MEGF11: variants seen among roughly 807,000 people sequenced by gnomAD.
MEGF11 encodes multiple epidermal growth factor-like domains protein 11.
A neutral mutation model predicts 146.6 loss-of-function variants in MEGF11; 126 were observed. The observed-to-expected ratio is 0.86, with a 90% CI of 0.74 to 1.00. The LOEUF (loss-of-function observed/expected upper bound fraction) is 1.00. MEGF11 is among the 50% of genes least tolerant of loss of function. MEGF11 has a pLI of 0.00. For missense variants in MEGF11, 1,509 were observed against 1,521.2 expected, an observed-to-expected ratio of 0.99 and a Z score of 0.13; for synonymous variants, 532 against 583.4, an observed-to-expected ratio of 0.91 and a Z score of 1.27.
At chr15:66,024,768 T>C (rs1420560313) in intron 5 of MEGF11, among the ~76,000 whole-genome samples, 3 of 152,054 alleles carry the variant, frequency 2.0e-5, no homozygotes, top group Non-Finnish European at 4.4e-5. Flanking sequence ...TAAAGGGCTT[T>C]GTGGGTGGTA....
At chr15:66,200,987 T>C (rs74703099) in intron 1 of MEGF11, among the ~76,000 whole-genome samples, 1,898 of 152,090 alleles carry the variant, frequency 0.012, 34 homozygotes, top group African/African-American at 0.043. Context: ...CAAGGCCAGA[T>C]GGCTGGGCTG....
intron 5 of MEGF11, among the ~76,000 whole-genome samples, chr15:66,000,534 GA>G (rs58277872): frequency 3.8e-4 from 55 of 145,734 alleles, no homozygotes; most frequent in African/African-American, 3.5e-4. Flanking sequence ...CTGTCTCTTT[GA>G]AAAAAAAAAA....
At chr15:66,003,338 G>C (rs867018475) in intron 5 of MEGF11, among the ~76,000 whole-genome samples, 26 of 152,160 alleles carry the variant, frequency 1.7e-4, no homozygotes, top group African/African-American at 4.8e-4. Context: ...CACAGTCCTA[G>C]ACATCCCCAT....
At chr15:66,179,842 C>T (rs1478598168) in intron 1 of MEGF11, among the ~76,000 whole-genome samples, 3 of 146,628 alleles carry the variant, frequency 2.0e-5, no homozygotes, top group South Asian at 2.3e-4. Flanking sequence ...CACACAGTGC[C>T]TAACACCCTC....
intron 1 of MEGF11, among the ~76,000 whole-genome samples, chr15:66,187,760 T>C (rs2090750051): frequency 1.3e-5 from 2 of 149,354 alleles, no homozygotes; most frequent in African/African-American, 5.1e-5. Flanking sequence ...TCCATTTCCA[T>C]GTACGATTCC....
At chr15:66,036,438 T>A (rs964955190) in intron 5 of MEGF11, among the ~76,000 whole-genome samples, 2 of 152,254 alleles carry the variant, frequency 1.3e-5, no homozygotes, top group African/African-American at 4.8e-5. Flanking sequence ...ATTCATTCAT[T>A]TTCACGGCCA....
rs141978613 is a variant in MEGF11 at position 66,241,418 on chromosome 15, A to T, written c.-9+12187T>A. Among the ~76,000 whole-genome samples the T allele has an allele frequency of 3.1e-3, 466 of 152,354 alleles. 1 individual carries two copies. Among genetic ancestry groups the T allele is most frequent in the African/African-American group, 0.01 (430 of 41,580 alleles). On this transcript the variant is annotated intron_variant, in intron 1 of 25. Coordinates refer to ENST00000395614, the MANE Select transcript of MEGF11 (RefSeq NM_001385028.1). The stretch of plus-strand genomic sequence containing the variant: ...CCTTCAAGAAGAGCAACTACATTTT[A>T]CCTTGAAAACTGCAGAACTGAAAGC...
At chr15:66,239,178 A>T (rs2092157923) in intron 1 of MEGF11, among the ~76,000 whole-genome samples, 1 of 152,148 alleles carries the variant, frequency 6.6e-6, no homozygotes, top group South Asian at 2.1e-4. Context: ...TAAGACCTCT[A>T]CAGCTGTCAT....
At chr15:65,988,545 G>A (rs1026057624) in intron 5 of MEGF11, among the ~76,000 whole-genome samples, 2 of 152,094 alleles carry the variant, frequency 1.3e-5, no homozygotes, top group South Asian at 4.1e-4. Context: ...CCACCTTTTG[G>A]TTATTGTCTA....
At chr15:66,007,462 G>C (rs774401102) in intron 5 of MEGF11, among the ~76,000 whole-genome samples, 1 of 152,096 alleles carries the variant, frequency 6.6e-6, no homozygotes, top group Non-Finnish European at 1.5e-5. Flanking sequence ...AAGAAATGAT[G>C]GCCCAGGCTG....
At chr15:66,119,558 G>A (rs2087913036) in intron 3 of MEGF11, among the ~76,000 whole-genome samples, 1 of 152,136 alleles carries the variant, frequency 6.6e-6, no homozygotes, top group Admixed American at 6.5e-5. Context: ...TAGGAGTCAG[G>A]CCCTGAGGGT....
rs73479380 is a variant in MEGF11 at position 65,915,018 on chromosome 15, G to A, written c.2473+452C>T. 3.2e-3 allele frequency among the ~76,000 whole-genome samples: 490 copies of A among 152,316 alleles called. 1 individual carries two copies. Among genetic ancestry groups the A allele is most frequent in the African/African-American group, 0.011 (476 of 41,558 alleles). ...ATCCGACTGTAGTGCTAGAACCAAG[G>A]TTGAGCCCCTTTGGGCTCCTCGGCC... On this transcript the variant is annotated intron_variant, in intron 19 of 25. Coordinates refer to ENST00000395614, the MANE Select transcript of MEGF11 (RefSeq NM_001385028.1).
intron 5 of MEGF11, among the ~76,000 whole-genome samples, chr15:66,062,388 T>C (rs1462750085): frequency 2.0e-5 from 3 of 152,242 alleles, no homozygotes; most frequent in African/African-American, 7.2e-5. Context: ...TGCCACGTTG[T>C]AAAAGGCCAG....
At position 66,156,424 on chromosome 15, in the gene MEGF11, G is replaced by A. The variant is rs746675876; in HGVS notation, c.-8-28013C>T. ...AGCCACCAGCACCTGGTGGGTCATC[G>A]GTCCCACTTGACCACTCCAGGCAGC... On this transcript the variant is annotated intron_variant, in intron 1 of 25. Transcript: ENST00000395614. Among the ~76,000 whole-genome samples the A allele has an allele frequency of 9.9e-5, 15 of 151,888 alleles. 1 individual carries two copies. The highest frequency in any genetic ancestry group is 1.9e-4 in the African/African-American group (8 of 41,324).
chr15:66,168,851 G>C (rs1217867498), intron 1 of MEGF11, among the ~76,000 whole-genome samples: 1 of 152,182 alleles, frequency 6.6e-6, no homozygotes, highest in Non-Finnish European at 1.5e-5. Flanking sequence ...AGCCGGGCGT[G>C]GTGGCGCATG....
At chr15:66,105,821 G>T (rs1597088492) in intron 4 of MEGF11, among the ~76,000 whole-genome samples, 1 of 152,192 alleles carries the variant, frequency 6.6e-6, no homozygotes, top group African/African-American at 2.4e-5. Flanking sequence ...AGTTTGTTTG[G>T]TGGATGAAGC....
intron 2 of MEGF11, 94 bp downstream of exon 2, chr15:66,128,212 C>A: frequency 2.7e-6 from 2 of 748,670 alleles, no homozygotes; most frequent in Non-Finnish European, 2.0e-6. Flanking sequence ...CCTTAGAGGG[C>A]AGCTCCTGGA....
chr15:66,222,632 G>A (rs138066565), intron 1 of MEGF11, among the ~76,000 whole-genome samples: 70 of 152,264 alleles, frequency 4.6e-4, no homozygotes, highest in Middle Eastern at 3.4e-3. Flanking sequence ...TGGCTCATTC[G>A]CTCATTCATT....
In MEGF11 at chr15:66,155,261, A is replaced by AC. The variant is rs574284033; in HGVS notation, c.-8-26851dup. ...GGAGACACACATGGTGATGCCCCCC[A>AC]CCCCCCGCTATGGGGTAAGGGCTCA... On this transcript the variant is annotated intron_variant, in intron 1 of 25. Transcript: ENST00000395614. Among the ~76,000 whole-genome samples the AC allele has an allele frequency of 3.0e-3, 456 of 151,460 alleles. 2 individuals carry two copies. Among genetic ancestry groups the AC allele is most frequent in the African/African-American group, 0.011 (442 of 41,100 alleles).
Sources: gnomAD v4.1 joint callset for allele counts (sites outside exome capture counted in the v4.1 genomes callset) on GRCh38, gnomAD v4.1.1 for gene constraint, MANE v1.5 for transcripts, NCBI Gene and HGNC (gene_info 2026-07-23, HGNC 2026-07-21) for gene names.